KNTC1: variants seen among roughly 807,000 people sequenced by gnomAD.
The protein encoded by KNTC1 is kinetochore associated 1.
KNTC1 carries 253 observed loss-of-function variants against 314.4 expected under a neutral mutation model. That is an observed-to-expected ratio of 0.80 (90% CI 0.73 to 0.89). KNTC1 has a LOEUF of 0.89. KNTC1 is among the 40% of genes least tolerant of loss of function. The pLI, the probability that KNTC1 is intolerant of heterozygous loss-of-function variation, is 0.00. For synonymous variants in KNTC1, 901 were observed against 901.4 expected, an observed-to-expected ratio of 1.00 and a Z score of 0.01; for missense variants, 2,475 against 2,572.9, an observed-to-expected ratio of 0.96 and a Z score of 0.82.
chr12:122,551,432 G>A lies in KNTC1; in HGVS notation c.1131-26G>A, dbSNP rs146437491. On this transcript the variant is annotated intron_variant, in intron 14 of 63. Transcript: ENST00000333479. ...TACGTATTAATATTAAAAGACAAGCGCATTTATAGTTAAAATTTTTTCTAG... is the reference window on the plus strand; with the variant it reads ...TACGTATTAATATTAAAAGACAAGCACATTTATAGTTAAAATTTTTTCTAG... 14,253 of 1,551,448 alleles carry A rather than the reference G, an allele frequency of 9.2e-3. 85 individuals carry two copies. Among genetic ancestry groups the A allele is most frequent in the Non-Finnish European group, 0.011 (12,605 of 1,137,274 alleles).
chr12:122,587,681 T>C, intron 38 of KNTC1, 30 bp from the exon 39 acceptor site: 1 of 1,549,912 alleles, frequency 6.5e-7, no homozygotes, highest in Non-Finnish European at 8.7e-7. Flanking sequence ...TTAAAAAATC[T>C]AAATATTAAA....
chr12:122,616,416 C>G (rs972577972), intron 57 of KNTC1, among the ~76,000 whole-genome samples: 9 of 152,128 alleles, frequency 5.9e-5, no homozygotes, highest in Non-Finnish European at 1.0e-4. Flanking sequence ...GCGCATGCCG[C>G]CACGCCCTGC....
At chr12:122,581,283 C>G (rs1965409316) in intron 33 of KNTC1, among the ~76,000 whole-genome samples, 1 of 149,984 alleles carries the variant, frequency 6.7e-6, no homozygotes, top group African/African-American at 2.5e-5. Context: ...ACTGCAACCT[C>G]CACCTCCCAG....
chr12:122,609,199 A>AG, intron 51 of KNTC1, 185 bp from the exon 52 acceptor site: 1 of 573,152 alleles, frequency 1.7e-6, no homozygotes, highest in South Asian at 2.4e-5. Context: ...ATATTTGTTG[A>AG]GTAAACAAAT....
At chr12:122,611,163 A>T (rs944930320) in intron 53 of KNTC1, 16 of 446,772 alleles carry the variant, frequency 3.6e-5, no homozygotes, top group Non-Finnish European at 4.8e-5. Flanking sequence ...CACAGTGGTT[A>T]ACTCCCTGGT....
At chr12:122,533,839 A>G (rs1451881622) in intron 2 of KNTC1, among the ~76,000 whole-genome samples, 1 of 150,782 alleles carries the variant, frequency 6.6e-6, no homozygotes, top group African/African-American at 2.5e-5. Context: ...GGACTGGTTA[A>G]CATTTATTGA....
chr12:122,605,737 G>T (rs1370341892), intron 51 of KNTC1, among the ~76,000 whole-genome samples: 2 of 151,814 alleles, frequency 1.3e-5, no homozygotes, highest in African/African-American at 4.8e-5. Flanking sequence ...GTAGAGACGG[G>T]GTTTCACCAT....
intron 57 of KNTC1, 99 bp downstream of exon 57, chr12:122,615,625 T>A: frequency 8.5e-7 from 1 of 1,170,884 alleles, no homozygotes; most frequent in Non-Finnish European, 1.2e-6. Flanking sequence ...AGCTCCTTCT[T>A]AAATAACAGA....
intron 33 of KNTC1, among the ~76,000 whole-genome samples, chr12:122,581,311 G>A (rs1340820475): frequency 2.0e-5 from 3 of 147,738 alleles, no homozygotes; most frequent in Non-Finnish European, 1.5e-5. Context: ...TGATTCTCTT[G>A]CCTCAGCCTT....
rs541803269 is a variant in KNTC1, at chr12:122,557,972, C to G, written c.1488+283C>G. On this transcript the variant is annotated intron_variant, in intron 18 of 63. Transcript: ENST00000333479. The stretch of plus-strand genomic sequence containing the variant: ...CCCCAAAAGAACCTCTATCCCAGAC[C>G]GGACGTGGTGGCTCACGCCTTAATC... 9.2e-5 allele frequency among the ~76,000 whole-genome samples: 14 copies of G among 152,290 alleles called. No homozygotes were observed. In the South Asian group the frequency reaches 2.7e-3, roughly 29 times the overall value.
intron 5 of KNTC1, 56 bp from the exon 6 acceptor site, chr12:122,541,994 A>G: frequency 6.9e-7 from 1 of 1,455,694 alleles, no homozygotes; most frequent in Non-Finnish European, 9.1e-7. Flanking sequence ...CAGCCTAGCG[A>G]CAGAATGAGA....
chr12:122,576,867 A>C (rs774687881), intron 29 of KNTC1, 28 bp from the exon 30 acceptor site: 1 of 1,513,812 alleles, frequency 6.6e-7, no homozygotes, highest in East Asian at 2.4e-5. Flanking sequence ...GTTCTATAAC[A>C]AAGAAATGTT....
chr12:122,595,175 C>G (rs1436664614), intron 43 of KNTC1, among the ~76,000 whole-genome samples: 2 of 152,208 alleles, frequency 1.3e-5, no homozygotes, highest in Non-Finnish European at 2.9e-5. Context: ...TGCGCCTGAA[C>G]AAGAATTTTT....
intron 20 of KNTC1, among the ~76,000 whole-genome samples, chr12:122,565,487 C>T (rs958290958): frequency 6.7e-6 from 1 of 150,164 alleles, no homozygotes; most frequent in Non-Finnish European, 1.5e-5. Flanking sequence ...TCTAATTTGG[C>T]ATTTTTTTAA....
At chr12:122,546,714 T>C (rs559647000) in intron 10 of KNTC1, 40 bp downstream of exon 10, 4 of 1,307,460 alleles carry the variant, frequency 3.1e-6, no homozygotes, top group African/African-American at 1.5e-5. Context: ...TTACTTGATA[T>C]GTTTTACAAC....
In KNTC1 at chr12:122,604,934, C is replaced by A. The variant is rs966574653; in HGVS notation, c.5233C>A (p.Arg1745=). 1.2e-6 allele frequency: 2 copies of A among 1,610,612 alleles called. No homozygotes were observed. Among genetic ancestry groups the A allele is most frequent in the Non-Finnish European group, 1.7e-6 (2 of 1,178,406 alleles). ...GAAGAAGCTTCATATCCAGTACCGG[C>A]GATCGGGCACAGAAGCTGTGCTCAT... The part of the protein sequence containing the change: ...LLKKLHIQYR[R]SGTEAVLIAH... The change falls in exon 50 of 64, where the codon CGA becomes AGA. Residue 1745 remains arginine, a synonymous_variant. Transcript: ENST00000333479.
intron 62 of KNTC1, 49 bp from the exon 63 acceptor site, chr12:122,624,549 C>T (rs1217697702): frequency 7.2e-7 from 1 of 1,393,026 alleles, no homozygotes; most frequent in Non-Finnish European, 1.0e-6. Flanking sequence ...ATTGTAGGCA[C>T]AAGGCACTGT....
In KNTC1 at chr12:122,570,809, C is replaced by A. The variant is rs925150774; in HGVS notation, c.1861-67C>A. On this transcript the variant is annotated intron_variant, in intron 22 of 63. Transcript: ENST00000333479. ...AATATTTAAAGGAAAAAAAAGAAAT[C>A]GTGGAGGTTTTTAGTTATGTCAGTG... The A allele has an allele frequency of 6.1e-6, 6 of 986,908 alleles. No homozygotes were observed. In the South Asian group the frequency reaches 7.6e-5, roughly 13 times the overall value. The allele number at this position is 986,908 out of a possible 1,614,324, so 61.1% of individuals were successfully genotyped here.
chr12:122,551,816 A>G, intron 16 of KNTC1, 120 bp downstream of exon 16: 2 of 750,764 alleles, frequency 2.7e-6, no homozygotes, highest in Non-Finnish European at 4.6e-6. Flanking sequence ...TAATTAAGAT[A>G]TGACTGAAGT....
Sources: allele counts gnomAD v4.1 joint callset (sites outside exome capture counted in the v4.1 genomes callset), GRCh38; gene constraint gnomAD v4.1.1; transcripts MANE v1.5; gene names NCBI Gene and HGNC (gene_info 2026-07-23, HGNC 2026-07-21).